Variants in BUB1 observed in about 807,000 individuals in gnomAD.
BUB1 encodes mitotic checkpoint serine/threonine-protein kinase BUB1.
Under a neutral mutation model 135.2 loss-of-function variants are expected in BUB1, and 84 were observed. The ratio of observed to expected loss-of-function variants is 0.62; its 90% CI spans 0.52 to 0.74. The LOEUF is 0.74. BUB1 is among the 30% of genes least tolerant of loss of function. The pLI is 0.00. For missense variants in BUB1, 1,162 were observed against 1,288.3 expected, an observed-to-expected ratio of 0.90 and a Z score of 1.50; for synonymous variants, 403 against 434.4, an observed-to-expected ratio of 0.93 and a Z score of 0.90.
intron 1 of BUB1, among the ~76,000 whole-genome samples, chr2:110,677,481 AT>A (rs902608657): frequency 1.3e-5 from 2 of 151,866 alleles, no homozygotes; most frequent in African/African-American, 2.4e-5. Context: ...GAGCAAAGCT[AT>A]TTTTTTTCAA....
At chr2:110,639,305 CTTTATAA>C (rs1689437770) in intron 24 of BUB1, among the ~76,000 whole-genome samples, 1 of 149,842 alleles carries the variant, frequency 6.7e-6, no homozygotes, top group African/African-American at 2.5e-5. Context: ...ATTCATATTA[CTTTATAA>C]TTTATGAAGC....
rs996193814 is a variant in BUB1 at position 110,657,491 on chromosome 2, T to A, written c.1616+55A>T. On this transcript the variant is annotated intron_variant, in intron 14 of 24. Transcript: ENST00000302759. ...ATTCTCTCCTCACCACCCCACCACC[T>A]CTGGTCCCAGAGAAAACTCGGCAGC... 142 of 1,369,940 alleles carry A rather than the reference T, an allele frequency of 1.0e-4. No individual in the cohort carries two copies. In the Admixed American group the frequency reaches 2.9e-3, roughly 28 times the overall value. The allele number at this position is 1,369,940 out of a possible 1,614,324, so 84.9% of individuals were successfully genotyped here.
chr2:110,673,133 G>C (rs1389156745), intron 3 of BUB1, among the ~76,000 whole-genome samples: 1 of 152,192 alleles, frequency 6.6e-6, no homozygotes, highest in Non-Finnish European at 1.5e-5. Context: ...CAAAACGATA[G>C]AGCTTAGACA....
intron 19 of BUB1, among the ~76,000 whole-genome samples, chr2:110,646,001 C>A (rs1179968814): frequency 2.6e-5 from 4 of 151,926 alleles, no homozygotes; most frequent in Non-Finnish European, 5.9e-5. Flanking sequence ...GATGAATTCA[C>A]TATTATAGTT....
chr2:110,642,279 T>G, intron 19 of BUB1, 45 bp from the exon 20 acceptor site: 1 of 1,291,782 alleles, frequency 7.7e-7, no homozygotes, highest in Non-Finnish European at 1.1e-6. Context: ...GCCTTTTATT[T>G]TAAATAGTTT....
At chr2:110,656,863 T>C (rs1000422642) in intron 15 of BUB1, among the ~76,000 whole-genome samples, 173 bp downstream of exon 15, 8 of 152,228 alleles carry the variant, frequency 5.3e-5, no homozygotes, top group Admixed American at 4.6e-4. Flanking sequence ...ACATACCCTG[T>C]TTCTTCTTGA....
intron 8 of BUB1, among the ~76,000 whole-genome samples, chr2:110,666,632 A>G (rs1420613071): frequency 1.3e-5 from 2 of 152,142 alleles, no homozygotes; most frequent in East Asian, 3.9e-4. Flanking sequence ...ACTAAAAAAA[A>G]AAAAAAACTA....
chr2:110,645,273 A>C (rs1050733910), intron 19 of BUB1, among the ~76,000 whole-genome samples: 10 of 152,068 alleles, frequency 6.6e-5, no homozygotes, highest in Non-Finnish European at 1.0e-4. Flanking sequence ...GTCTCCAAAA[A>C]AAATACAAAA....
chr2:110,670,659 T>C (rs1690397099), intron 4 of BUB1, 91 bp from the exon 5 acceptor site: 4 of 1,306,276 alleles, frequency 3.1e-6, no homozygotes, highest in Admixed American at 1.8e-5. Flanking sequence ...GACAACTTAT[T>C]ATAAGCTAGT....
chr2:110,666,103 T>C (rs971751011), intron 9 of BUB1, 160 bp downstream of exon 9: 1 of 655,430 alleles, frequency 1.5e-6, no homozygotes, highest in Non-Finnish European at 2.2e-6. Context: ...CCACTCTCAC[T>C]CTACATTGTG....
intron 4 of BUB1, 147 bp downstream of exon 4, chr2:110,672,514 G>A: frequency 2.8e-6 from 2 of 723,852 alleles, no homozygotes; most frequent in African/African-American, 3.6e-5. Context: ...TTTCTGAGCA[G>A]TTTTTTTCTT....
In BUB1 at chr2:110,641,889, TGTG is replaced by T. The variant is rs376562921; in HGVS notation, c.2464-89_2464-87del. On this transcript the variant is annotated intron_variant, in intron 20 of 24. Coordinates refer to ENST00000302759, the MANE Select transcript of BUB1 (RefSeq NM_004336.5). ...AAGCAACCTCTATCCCAATAAAAGA[TGTG>T]GTGTTGATAGTGATGACAAGCTATG... 2.1e-5 allele frequency: 30 copies of T among 1,423,506 alleles called. No homozygotes were observed. In the African/African-American group the frequency reaches 3.0e-4, roughly 14 times the overall value. The allele number at this position is 1,423,506 out of a possible 1,614,324, so 88.2% of individuals were successfully genotyped here. A position where few individuals can be genotyped will look rare whatever the true frequency, so the allele number is the denominator to read the frequency against.
intron 19 of BUB1, among the ~76,000 whole-genome samples, chr2:110,643,786 T>G (rs1371059718): frequency 6.6e-6 from 1 of 152,106 alleles, no homozygotes; most frequent in African/African-American, 2.4e-5. Context: ...ATTATAGGAA[T>G]GAGCTACCAT....
At chr2:110,640,576 T>C (rs2104513573) in intron 23 of BUB1, among the ~76,000 whole-genome samples, 1 of 152,314 alleles carries the variant, frequency 6.6e-6, no homozygotes, top group East Asian at 1.9e-4. Flanking sequence ...GGCTGTACCA[T>C]CTATTACAGT....
At chr2:110,665,132 A>G (rs574090757) in intron 9 of BUB1, among the ~76,000 whole-genome samples, 114 of 152,374 alleles carry the variant, frequency 7.5e-4, no homozygotes, top group African/African-American at 2.7e-3. Flanking sequence ...TTAGATATCT[A>G]TGCAATAGCA....
intron 1 of BUB1, 139 bp downstream of exon 1, chr2:110,677,831 G>A (rs984228810): frequency 9.9e-7 from 1 of 1,009,378 alleles, no homozygotes. Context: ...AGCAGCCCAC[G>A]GCCTTGCTGG....
At chr2:110,639,228 T>C (rs954181346) in intron 24 of BUB1, among the ~76,000 whole-genome samples, 1 of 151,970 alleles carries the variant, frequency 6.6e-6, no homozygotes, top group Non-Finnish European at 1.5e-5. Flanking sequence ...CTGTGATTTA[T>C]AGATAAAAAA....
chr2:110,677,890 G>C (rs748409786), intron 1 of BUB1, 80 bp downstream of exon 1: 23 of 1,490,338 alleles, frequency 1.5e-5, no homozygotes, highest in Non-Finnish European at 2.1e-5. Context: ...GCAAAAGAAG[G>C]CAGGTCTGGG....
At chr2:110,668,570 TGAAA>T (rs1410643990) in intron 6 of BUB1, among the ~76,000 whole-genome samples, 1 of 152,162 alleles carries the variant, frequency 6.6e-6, no homozygotes. Flanking sequence ...TGATGAACTT[TGAAA>T]GAAAGTTGTA....
Sources: allele counts gnomAD v4.1 joint callset (sites outside exome capture counted in the v4.1 genomes callset), GRCh38; gene constraint gnomAD v4.1.1; transcripts MANE v1.5; gene names NCBI Gene and HGNC (gene_info 2026-07-23, HGNC 2026-07-21).